The following NXPH2 variants were observed in gnomAD, a reference collection of about 807,000 sequenced individuals.
NXPH2 encodes neurexophilin 2.
Under a neutral mutation model 19.8 loss-of-function variants are expected in NXPH2, and 5 were observed. The ratio of observed to expected loss-of-function variants is 0.25; its 90% CI spans 0.13 to 0.53. The LOEUF is 0.53. NXPH2 is among the 20% of genes least tolerant of loss of function. The pLI is 0.96. For missense variants in NXPH2, 289 were observed against 322.8 expected, an observed-to-expected ratio of 0.90 and a Z score of 0.80; for synonymous variants, 154 against 127.4, an observed-to-expected ratio of 1.21 and a Z score of -1.41.
intron 1 of NXPH2, among the ~76,000 whole-genome samples, chr2:138,692,363 A>G (rs1680758553): frequency 6.6e-6 from 1 of 152,310 alleles, no homozygotes; most frequent in South Asian, 2.1e-4. Context: ...CAGCCACTGC[A>G]GTTCTGGTCA....
chr2:138,744,395 A>G (rs749686072), intron 1 of NXPH2, among the ~76,000 whole-genome samples: 61 of 152,148 alleles, frequency 4.0e-4, no homozygotes, highest in Non-Finnish European at 7.3e-4. Context: ...GAGAGAGAAT[A>G]GTAATGCATT....
chr2:138,763,202 C>A (rs1203004025), intron 1 of NXPH2, among the ~76,000 whole-genome samples: 1 of 152,068 alleles, frequency 6.6e-6, no homozygotes, highest in Non-Finnish European at 1.5e-5. Flanking sequence ...TCAGAAAAAT[C>A]ATAAATCAAT....
chr2:138,734,781 T>C (rs564891254), intron 1 of NXPH2, among the ~76,000 whole-genome samples: 3 of 152,306 alleles, frequency 2.0e-5, no homozygotes, highest in African/African-American at 4.8e-5. Flanking sequence ...TGTGCTCAGA[T>C]GGCTGATAGA....
chr2:138,763,485 T>C (rs1444411306), intron 1 of NXPH2, among the ~76,000 whole-genome samples: 1 of 152,174 alleles, frequency 6.6e-6, no homozygotes, highest in Admixed American at 6.5e-5. Flanking sequence ...AAAATGTGGA[T>C]GTTGTTGACT....
In NXPH2 at chr2:138,671,530, A is replaced by C. The variant is rs765786305; in HGVS notation, c.187T>G (p.Ser63Ala). 6.2e-7 allele frequency: 1 copy of C among 1,613,964 alleles called. No homozygotes were observed. Among genetic ancestry groups the C allele is most frequent in the South Asian group, 1.1e-5 (1 of 91,074 alleles). ...ATGGGGCCGGGCTTGGGCACCGGAG[A>C]CTGTTTAACAAACAGGCGCAGGGGA... ...ISPLRLFVKQSPVPKPGPMAY... is the reference protein window; with the variant it reads ...ISPLRLFVKQAPVPKPGPMAY... The change falls in exon 2 of 2, where the codon TCT becomes GCT. Residue 63 changes from serine (S) to alanine (A), a missense_variant. Physicochemically the swap from Ser to Ala is moderately conservative, Grantham distance 99 (BLOSUM62 1). Coordinates refer to ENST00000272641, the MANE Select transcript of NXPH2 (RefSeq NM_007226.3).
chr2:138,729,655 C>G (rs1038535499), intron 1 of NXPH2, among the ~76,000 whole-genome samples: 1 of 152,102 alleles, frequency 6.6e-6, no homozygotes, highest in African/African-American at 2.4e-5. Context: ...CTCTGCCTAC[C>G]CTCTTAACAT....
At chr2:138,715,668 G>A (rs1387882517) in intron 1 of NXPH2, among the ~76,000 whole-genome samples, 1 of 152,176 alleles carries the variant, frequency 6.6e-6, no homozygotes, top group African/African-American at 2.4e-5. Context: ...TACAATAGCC[G>A]AAGAAGGAGA....
chr2:138,698,023 AG>A (rs952558294), intron 1 of NXPH2, among the ~76,000 whole-genome samples: 3 of 152,106 alleles, frequency 2.0e-5, no homozygotes, highest in African/African-American at 7.2e-5. Flanking sequence ...AAAACCTTAA[AG>A]TTCTTCACTC....
intron 1 of NXPH2, among the ~76,000 whole-genome samples, chr2:138,712,220 A>G (rs1051379597): frequency 1.3e-4 from 19 of 144,380 alleles, no homozygotes; most frequent in Admixed American, 7.1e-5. Context: ...ACCTTCATGG[A>G]TGGAAGTCTG....
At chr2:138,684,543 A>G (rs1680620703) in intron 1 of NXPH2, among the ~76,000 whole-genome samples, 1 of 152,222 alleles carries the variant, frequency 6.6e-6, no homozygotes, top group Non-Finnish European at 1.5e-5. Context: ...AATATACAGT[A>G]TTTAGTTGCA....
intron 1 of NXPH2, among the ~76,000 whole-genome samples, chr2:138,748,348 C>G (rs184182731): frequency 1.3e-5 from 2 of 152,064 alleles, no homozygotes; most frequent in Admixed American, 1.3e-4. Context: ...GGTGTTAACT[C>G]GATATCATCA....
chr2:138,758,738 T>C (rs1681954024), intron 1 of NXPH2, among the ~76,000 whole-genome samples: 2 of 152,210 alleles, frequency 1.3e-5, no homozygotes, highest in Admixed American at 6.5e-5. Context: ...TGGTTGACCA[T>C]GTCTGGAGAA....
chr2:138,686,331 G>T (rs60756283), intron 1 of NXPH2, among the ~76,000 whole-genome samples: 11,499 of 152,142 alleles, frequency 0.076, 1,483 homozygotes, highest in African/African-American at 0.26. Flanking sequence ...CAACAGGACT[G>T]TCCTGGAATT....
At position 138,710,286 on chromosome 2, in the gene NXPH2, C is replaced by A. The variant is rs190652796; in HGVS notation, c.52-38621G>T. Among the ~76,000 whole-genome samples the A allele has an allele frequency of 1.2e-3, 184 of 152,156 alleles. 1 individual carries two copies. Among genetic ancestry groups the A allele is most frequent in the African/African-American group, 4.2e-3 (176 of 41,464 alleles). On this transcript the variant is annotated intron_variant, in intron 1 of 1. Transcript: ENST00000272641. ...AATAACATTTAATTGTATGTATGTA[C>A]CACGTTTTGTTTATTCATCACCTCT... is the stretch of plus-strand genomic sequence containing the variant.
At chr2:138,780,117 G>C in intron 1 of NXPH2, 74 bp downstream of exon 1, 2 of 1,409,794 alleles carry the variant, frequency 1.4e-6, no homozygotes, top group African/African-American at 1.5e-5. Context: ...TGGGCTCCAA[G>C]TCAGCCGCCT....
chr2:138,759,658 G>A (rs565395538), intron 1 of NXPH2, among the ~76,000 whole-genome samples: 2 of 151,620 alleles, frequency 1.3e-5, no homozygotes, highest in South Asian at 2.1e-4. Context: ...TAGTCATCCT[G>A]GAATTTTACA....
intron 1 of NXPH2, among the ~76,000 whole-genome samples, chr2:138,725,558 AT>A (rs1420643796): frequency 6.6e-6 from 1 of 152,192 alleles, no homozygotes; most frequent in Non-Finnish European, 1.5e-5. Context: ...GAATGAAACC[AT>A]TTTCTTCAGA....
chr2:138,720,476 G>A (rs1681261885), intron 1 of NXPH2, among the ~76,000 whole-genome samples: 1 of 152,248 alleles, frequency 6.6e-6, no homozygotes. Flanking sequence ...AGTCAAGAGT[G>A]AGGGCTGACT....
intron 1 of NXPH2, among the ~76,000 whole-genome samples, chr2:138,682,991 G>C (rs1680600271): frequency 6.6e-6 from 1 of 152,126 alleles, no homozygotes; most frequent in Non-Finnish European, 1.5e-5. Context: ...ATTTTATTTT[G>C]TATTAGAAAG....
Sources: gnomAD v4.1 joint callset for allele counts (sites outside exome capture counted in the v4.1 genomes callset) on GRCh38, gnomAD v4.1.1 for gene constraint, MANE v1.5 for transcripts, NCBI Gene and HGNC (gene_info 2026-07-23, HGNC 2026-07-21) for gene names.